The following ACER3 variants were observed in gnomAD, a reference collection of about 807,000 sequenced individuals.
The protein encoded by ACER3 is alkCDase 3.
In ACER3, 16 loss-of-function variants were observed where a neutral mutation model predicts 48.9. That is an observed-to-expected ratio of 0.33 (90% CI 0.22 to 0.50). ACER3 has a LOEUF of 0.50. Among genes scored for constraint, ACER3 ranks in the 20% least tolerant of loss-of-function variants. The pLI is 0.98. For synonymous variants in ACER3, 109 were observed against 107.8 expected (o/e 1.01, Z -0.07); for missense variants, 227 against 326.0 (o/e 0.70, Z 2.34).
chr11:76,991,026 T>C (rs1160702168), intron 6 of ACER3, among the ~76,000 whole-genome samples: 1 of 152,188 alleles, frequency 6.6e-6, no homozygotes, highest in Non-Finnish European at 1.5e-5. Flanking sequence ...AAATGGTGAT[T>C]TAAGTGCATG....
intron 1 of ACER3, among the ~76,000 whole-genome samples, chr11:76,915,673 G>A (rs771611972): frequency 4.6e-5 from 7 of 152,204 alleles, no homozygotes; most frequent in Admixed American, 2.0e-4. Flanking sequence ...ACCTGAGACT[G>A]GGTAATTTAT....
At chr11:76,996,007 G>A (rs751461824) in intron 6 of ACER3, among the ~76,000 whole-genome samples, 5 of 152,056 alleles carry the variant, frequency 3.3e-5, no homozygotes, top group Admixed American at 6.6e-5. Context: ...CAAACTGAAC[G>A]TATATGCAGA....
chr11:76,931,599 A>G (rs7933346), intron 2 of ACER3, among the ~76,000 whole-genome samples: 48 of 152,272 alleles, frequency 3.2e-4, no homozygotes, highest in South Asian at 6.2e-4. Context: ...TGCAGTGGCT[A>G]GTACCAGTTG....
chr11:76,931,315 T>C, intron 2 of ACER3, among the ~76,000 whole-genome samples: 1 of 140,380 alleles, frequency 7.1e-6, no homozygotes. Context: ...TTCCATTTGC[T>C]TGGTAGATCT....
At chr11:76,930,457 C>T (rs10899320) in intron 2 of ACER3, among the ~76,000 whole-genome samples, 86,227 of 151,262 alleles carry the variant, frequency 0.57, 27,726 homozygotes, top group Non-Finnish European at 0.74. Context: ...TTTTGTGTCT[C>T]TATCTCCTTC....
chr11:76,974,385 T>C (rs1948383224), intron 3 of ACER3, among the ~76,000 whole-genome samples: 1 of 152,190 alleles, frequency 6.6e-6, no homozygotes, highest in Admixed American at 6.5e-5. Context: ...TGGATAAAGA[T>C]CAGTCTTAGT....
chr11:76,959,768 G>A (rs967678016), intron 3 of ACER3, among the ~76,000 whole-genome samples: 6 of 151,956 alleles, frequency 3.9e-5, no homozygotes, highest in Non-Finnish European at 8.8e-5. Context: ...TGGCCAGGCT[G>A]GTCTCGAACT....
intron 2 of ACER3, 60 bp downstream of exon 2, chr11:76,926,727 T>C: frequency 2.6e-6 from 3 of 1,147,598 alleles, no homozygotes; most frequent in Non-Finnish European, 3.8e-6. Flanking sequence ...TTTTTCTCAT[T>C]CATTTCTAAA....
intron 4 of ACER3, among the ~76,000 whole-genome samples, chr11:76,985,064 C>T (rs555641048): frequency 3.9e-5 from 6 of 152,124 alleles, no homozygotes; most frequent in African/African-American, 1.4e-4. Flanking sequence ...GCTCATTCAT[C>T]TACTTCTTCA....
intron 1 of ACER3, among the ~76,000 whole-genome samples, chr11:76,907,028 A>G (rs910922623): frequency 6.6e-6 from 1 of 152,364 alleles, no homozygotes; most frequent in Non-Finnish European, 1.5e-5. Context: ...CACGTTGTAT[A>G]GCATCTGGTG....
chr11:76,926,251 C>G (rs1175920077), intron 1 of ACER3, among the ~76,000 whole-genome samples: 1 of 152,184 alleles, frequency 6.6e-6, no homozygotes. Flanking sequence ...AACCCATTTT[C>G]TGCTGTATCT....
At chr11:76,861,138 G>A (rs1944927466) in intron 1 of ACER3, 59 bp downstream of exon 1, 1 of 1,473,686 alleles carries the variant, frequency 6.8e-7, no homozygotes, top group African/African-American at 1.4e-5. Context: ...AGGAGACGCC[G>A]TGTGAGGAAG....
chr11:77,019,134 T>A (rs2135336876), intron 9 of ACER3, among the ~76,000 whole-genome samples: 1 of 152,348 alleles, frequency 6.6e-6, no homozygotes, highest in South Asian at 2.1e-4. Flanking sequence ...AGTGCTCATT[T>A]TCTATTTTGA....
intron 2 of ACER3, among the ~76,000 whole-genome samples, chr11:76,949,531 A>G (rs1400892096): frequency 6.6e-6 from 1 of 152,230 alleles, no homozygotes; most frequent in African/African-American, 2.4e-5. Context: ...AGAAAAAGAA[A>G]GAAAAAATGC....
At chr11:76,909,876 C>T (rs1420371108) in intron 1 of ACER3, among the ~76,000 whole-genome samples, 4 of 152,042 alleles carry the variant, frequency 2.6e-5, no homozygotes, top group Non-Finnish European at 4.4e-5. Flanking sequence ...AACCCAGATG[C>T]CCATCAATGA....
At chr11:76,919,067 C>T (rs576193491) in intron 1 of ACER3, among the ~76,000 whole-genome samples, 10 of 152,172 alleles carry the variant, frequency 6.6e-5, no homozygotes, top group Non-Finnish European at 1.2e-4. Context: ...CTGGGCAGGA[C>T]GGCTTTTCAC....
chr11:76,941,974 T>C (rs1947352918), intron 2 of ACER3, among the ~76,000 whole-genome samples: 1 of 152,110 alleles, frequency 6.6e-6, no homozygotes, highest in Non-Finnish European at 1.5e-5. Flanking sequence ...AATAGATCAT[T>C]GTTGGTTTAT....
intron 9 of ACER3, 81 bp from the exon 10 acceptor site, chr11:77,019,650 A>G (rs999990452): frequency 8.3e-5 from 113 of 1,355,036 alleles, no homozygotes; most frequent in Admixed American, 2.3e-4. Flanking sequence ...CAGAAGCACT[A>G]TGGTTACGTT....
chr11:76,870,076 G>A (rs142128612), intron 1 of ACER3, among the ~76,000 whole-genome samples: 1 of 151,406 alleles, frequency 6.6e-6, no homozygotes, highest in Non-Finnish European at 1.5e-5. Flanking sequence ...TGCCCAGGCT[G>A]GTCTCAACCT....
Sources: gnomAD v4.1 joint callset for allele counts (sites outside exome capture counted in the v4.1 genomes callset) on GRCh38, gnomAD v4.1.1 for gene constraint, MANE v1.5 for transcripts, NCBI Gene and HGNC (gene_info 2026-07-23, HGNC 2026-07-21) for gene names.